The following CDC42BPA variants were observed in gnomAD, a reference collection of about 807,000 sequenced individuals.
CDC42BPA encodes the protein CDC42 binding protein kinase alpha.
A neutral mutation model predicts 223.5 loss-of-function variants in CDC42BPA; 80 were observed. The ratio of observed to expected loss-of-function variants is 0.36; its 90% CI spans 0.30 to 0.43. CDC42BPA has a LOEUF of 0.43. CDC42BPA is among the 20% of genes least tolerant of loss of function. The probability of loss-of-function intolerance (pLI) is 1.00; values close to 1 mark genes in which losing one functional copy is unlikely to be tolerated. For missense variants in CDC42BPA, 1,743 were observed against 2,099.9 expected, an observed-to-expected ratio of 0.83 and a Z score of 3.32; for synonymous variants, 694 against 718.6, an observed-to-expected ratio of 0.97 and a Z score of 0.55.
At chr1:227,204,578 C>T (rs1239583106) in intron 3 of CDC42BPA, among the ~76,000 whole-genome samples, 1 of 152,102 alleles carries the variant, frequency 6.6e-6, no homozygotes, top group African/African-American at 2.4e-5. Context: ...TAAAAATTAT[C>T]CTTGAAATCA....
intron 2 of CDC42BPA, among the ~76,000 whole-genome samples, chr1:227,252,318 T>G (rs972460980): frequency 2.0e-5 from 3 of 151,952 alleles, no homozygotes; most frequent in Admixed American, 6.6e-5. Context: ...AAAAATTAGA[T>G]GAAATGGATA....
At chr1:227,111,129 A>G (rs965811231) in intron 14 of CDC42BPA, among the ~76,000 whole-genome samples, 7 of 152,236 alleles carry the variant, frequency 4.6e-5, no homozygotes, top group African/African-American at 1.4e-4. Context: ...GAAGCAGTAC[A>G]GGAGTATGTA....
chr1:227,170,361 C>T (rs1665881804), intron 5 of CDC42BPA, among the ~76,000 whole-genome samples: 1 of 151,670 alleles, frequency 6.6e-6, no homozygotes. Context: ...GACAGTGATT[C>T]TTCCAACCAC....
In CDC42BPA at chr1:227,298,658, A is replaced by G. The variant is rs970473215; in HGVS notation, c.178+18347T>C. Among the ~76,000 whole-genome samples, 21 of 152,340 alleles carry G rather than the reference A, an allele frequency of 1.4e-4. 1 individual carries two copies. Among genetic ancestry groups the G allele is most frequent in the African/African-American group, 4.6e-4 (19 of 41,584 alleles). ...AAGGAAAAAAGCCATTTGAAGCTAT[A>G]TAACAAAAAGCTTGCTGCATTCTGG... is the stretch of plus-strand genomic sequence containing the variant. On this transcript the variant is annotated intron_variant, in intron 1 of 36. Transcript: ENST00000366766.
intron 7 of CDC42BPA, among the ~76,000 whole-genome samples, chr1:227,146,295 G>A (rs1660695452): frequency 6.6e-6 from 1 of 152,012 alleles, no homozygotes; most frequent in Non-Finnish European, 1.5e-5. Context: ...ACCAGAATTT[G>A]AACTGAAGCT....
chr1:227,201,526 A>G (rs953831131), intron 3 of CDC42BPA, among the ~76,000 whole-genome samples: 8 of 152,226 alleles, frequency 5.3e-5, no homozygotes, highest in Admixed American at 1.3e-4. Context: ...AACTTCAAAG[A>G]TAACTCTAAG....
chr1:227,141,093 A>G (rs373453509), intron 9 of CDC42BPA, among the ~76,000 whole-genome samples: 4 of 152,226 alleles, frequency 2.6e-5, no homozygotes, highest in South Asian at 4.1e-4. Flanking sequence ...GACTAAGCAA[A>G]TAAGTAAGAC....
At chr1:227,023,112 T>C (rs1245232085) in intron 32 of CDC42BPA, 151 bp downstream of exon 32, 33 of 498,714 alleles carry the variant, frequency 6.6e-5, no homozygotes, top group South Asian at 5.0e-4. Flanking sequence ...ATATTAAGAA[T>C]GTGATAGTGG....
intron 2 of CDC42BPA, among the ~76,000 whole-genome samples, chr1:227,237,262 T>C (rs542624502): frequency 7.8e-4 from 118 of 152,230 alleles, no homozygotes; most frequent in African/African-American, 2.7e-3. Flanking sequence ...AGTTATTACA[T>C]GGTATCTTAA....
At chr1:227,124,867 T>A (rs532200814) in intron 11 of CDC42BPA, among the ~76,000 whole-genome samples, 69 of 152,246 alleles carry the variant, frequency 4.5e-4, no homozygotes, top group African/African-American at 1.6e-3. Context: ...GGAATAGATA[T>A]ATTTCCCATT....
intron 16 of CDC42BPA, among the ~76,000 whole-genome samples, chr1:227,089,653 A>AG (rs1682718185): frequency 1.1e-5 from 1 of 89,588 alleles, no homozygotes. Context: ...TTTTTTTTTA[A>AG]AAACAAACTA....
At chr1:227,119,960 C>A in intron 11 of CDC42BPA, 23 bp from the exon 12 acceptor site, 1 of 1,550,620 alleles carries the variant, frequency 6.4e-7, no homozygotes, top group East Asian at 2.3e-5. Flanking sequence ...GACAATGTTT[C>A]TTTTACTATT....
chr1:227,292,330 A>G (rs1009296721), intron 1 of CDC42BPA, among the ~76,000 whole-genome samples: 1 of 152,192 alleles, frequency 6.6e-6, no homozygotes, highest in African/African-American at 2.4e-5. Flanking sequence ...GAAATCAAAA[A>G]TGATTAATTT....
chr1:227,028,729 T>C lies in CDC42BPA; in HGVS notation c.4360A>G (p.Ile1454Val). 6.2e-7 allele frequency: 1 copy of C among 1,613,802 alleles called. No homozygotes were observed. Among genetic ancestry groups the C allele is most frequent in the Non-Finnish European group, 8.5e-7 (1 of 1,179,776 alleles). The change falls in exon 30 of 37, where the codon ATA becomes GTA. Residue 1454 changes from isoleucine to valine, a missense_variant. By Grantham distance (29) the Ile-to-Val change is conservative (BLOSUM62 3). Around this residue, in one of 6 missense-constraint regions of CDC42BPA, gnomAD observed 678 missense variants for 777.5 expected, o/e 0.87. Transcript: ENST00000366766. ...EYLLCFNSIG[I>V]YTDCQGRRSR... The stretch of plus-strand genomic sequence containing the variant: ...CTTCGGCCCTGGCAGTCAGTGTATA[T>C]CCCAATGCTGTTAAAACACAGCAGA...
At chr1:227,024,069 A>G (rs1468110945) in intron 31 of CDC42BPA, among the ~76,000 whole-genome samples, 1 of 152,202 alleles carries the variant, frequency 6.6e-6, no homozygotes, top group Non-Finnish European at 1.5e-5. Flanking sequence ...AAGAAGAAAA[A>G]GATTTACATA....
At chr1:227,222,357 A>C (rs955117921) in intron 2 of CDC42BPA, among the ~76,000 whole-genome samples, 1 of 151,962 alleles carries the variant, frequency 6.6e-6, no homozygotes, top group South Asian at 2.1e-4. Flanking sequence ...GAAAATACAA[A>C]AAAATTAGGC....
intron 14 of CDC42BPA, among the ~76,000 whole-genome samples, chr1:227,103,545 G>A (rs1008973851): frequency 6.6e-6 from 1 of 152,014 alleles, no homozygotes; most frequent in African/African-American, 2.4e-5. Context: ...TTTCTACTCC[G>A]TGGATAAGAA....
At position 227,048,000 on chromosome 1, in the gene CDC42BPA, G is replaced by C. The variant is rs1240012314; in HGVS notation, c.3020C>G (p.Ser1007Cys). The change falls in exon 23 of 37, where the codon TCC (serine) becomes TGC (cysteine). Residue 1007 changes from serine to cysteine, a missense_variant. Ser to Cys is a moderately radical substitution (Grantham distance 112). Around this residue, in one of 6 missense-constraint regions of CDC42BPA, gnomAD observed 678 missense variants for 777.5 expected, o/e 0.87. Coordinates refer to ENST00000366766, the MANE Select transcript of CDC42BPA (RefSeq NM_001394014.1). ...SEAEPVKTVDSTPLSVHTPTL... is the reference protein window; with the variant it reads ...SEAEPVKTVDCTPLSVHTPTL... Reference sequence around the variant, plus strand: ...TGGTGTGTGAACTGAAAGTGGAGTGGAGTCTACAGTCTGAACCCAGGAGCA... The same window carrying C: ...TGGTGTGTGAACTGAAAGTGGAGTGCAGTCTACAGTCTGAACCCAGGAGCA... The C allele has an allele frequency of 6.2e-7, 1 of 1,607,314 alleles. No individual in the cohort carries two copies.
intron 5 of CDC42BPA, among the ~76,000 whole-genome samples, chr1:227,161,329 A>G (rs1180244741): frequency 6.6e-6 from 1 of 152,228 alleles, no homozygotes; most frequent in African/African-American, 2.4e-5. Context: ...GGGACTTAAC[A>G]ATATTAAGTT....
Sources: allele counts gnomAD v4.1 joint callset (sites outside exome capture counted in the v4.1 genomes callset), GRCh38; gene constraint gnomAD v4.1.1; regional missense constraint gnomAD v4.1.1; transcripts MANE v1.5; gene names NCBI Gene and HGNC (gene_info 2026-07-23, HGNC 2026-07-21).